SPDYE10: variants seen among roughly 807,000 people sequenced by gnomAD.
SPDYE10 encodes the protein speedy protein E10.
the SPDYE10 span, among the ~76,000 whole-genome samples, chr7:73,150,955 T>A: frequency 3.7e-5 from 1 of 26,680 alleles, no homozygotes; most frequent in Non-Finnish European, 7.6e-5. Flanking sequence ...TATATTTTTT[T>A]TTTTTTACCA....
At chr7:73,113,729 A>G in the SPDYE10 span, among the ~76,000 whole-genome samples, 1 of 152,014 alleles carries the variant, frequency 6.6e-6, no homozygotes, top group Non-Finnish European at 1.5e-5. Context: ...CCGCATCTCT[A>G]CTAAAAATAC....
the SPDYE10 span, among the ~76,000 whole-genome samples, chr7:73,123,875 C>G: frequency 6.6e-6 from 1 of 150,616 alleles, no homozygotes; most frequent in East Asian, 2.0e-4. Context: ...ACCTCTGCCT[C>G]AAGAGTCCCT....
the SPDYE10 span, among the ~76,000 whole-genome samples, chr7:73,115,390 A>T: frequency 6.6e-6 from 1 of 151,882 alleles, no homozygotes; most frequent in South Asian, 2.1e-4. Context: ...GGAGAGGGAG[A>T]CCAGTTCTCC....
At chr7:73,115,361 C>T in the SPDYE10 span, among the ~76,000 whole-genome samples, 1 of 152,056 alleles carries the variant, frequency 6.6e-6, no homozygotes, top group African/African-American at 2.4e-5. Context: ...CCTCACACTA[C>T]TGTGTTCTGT....
At chr7:73,115,352 C>T in the SPDYE10 span, among the ~76,000 whole-genome samples, 28 of 152,190 alleles carry the variant, frequency 1.8e-4, 2 homozygotes, top group African/African-American at 6.5e-4. Flanking sequence ...GTACAGAATC[C>T]TCACACTACT....
At chr7:73,145,124 T>TTTTCTTTCTTTCTTTCTCTTTTTC in the SPDYE10 span, among the ~76,000 whole-genome samples, 1 of 141,820 alleles carries the variant, frequency 7.1e-6, no homozygotes, top group African/African-American at 3.0e-5. Flanking sequence ...TCTTTCTTTC[T>TTTTCTTTCTTTCTTTCTCTTTTTC]TTTCTTTCTT....
chr7:73,134,496 T>G, the SPDYE10 span, among the ~76,000 whole-genome samples: 3 of 89,778 alleles, frequency 3.3e-5, no homozygotes, highest in African/African-American at 9.9e-5. Context: ...ATTGTGCACA[T>G]GTACCCTACA....
chr7:73,135,529 C>A, the SPDYE10 span, among the ~76,000 whole-genome samples: 8,308 of 119,274 alleles, frequency 0.07, 19 homozygotes, highest in African/African-American at 0.27. Flanking sequence ...TCTTTCTTTT[C>A]TTTTTTTTTT....
the SPDYE10 span, among the ~76,000 whole-genome samples, chr7:73,135,406 G>GCATTCATT: frequency 0.037 from 5,408 of 146,022 alleles, 135 homozygotes; most frequent in Middle Eastern, 0.053. Flanking sequence ...CTTTGTCCAC[G>GCATTCATT]CATTCATTCA....
chr7:73,147,892 C>T, the SPDYE10 span, among the ~76,000 whole-genome samples: 1 of 151,158 alleles, frequency 6.6e-6, no homozygotes, highest in Admixed American at 6.6e-5. Context: ...CTGCCACCTC[C>T]GCTTCCCCGG....
the SPDYE10 span, among the ~76,000 whole-genome samples, chr7:73,150,907 A>AAAAAAAATAT: frequency 2.6e-4 from 3 of 11,578 alleles, no homozygotes; most frequent in African/African-American, 3.5e-4. Flanking sequence ...AAAAAAAAAA[A>AAAAAAAATAT]ATATATATAT....
chr7:73,142,980 GAGGAAGGA>G, the SPDYE10 span, among the ~76,000 whole-genome samples: 4,292 of 93,258 alleles, frequency 0.046, 59 homozygotes, highest in African/African-American at 0.1. Context: ...GGGAGGGAGG[GAGGAAGGA>G]AGGAAGGAAG....
chr7:73,145,656 CTTG>C, the SPDYE10 span, among the ~76,000 whole-genome samples: 3 of 149,528 alleles, frequency 2.0e-5, no homozygotes, highest in East Asian at 5.9e-4. Context: ...ATCCATGAAC[CTTG>C]TGCTCACTTC....
chr7:73,123,037 C>G, the SPDYE10 span, among the ~76,000 whole-genome samples: 3 of 151,888 alleles, frequency 2.0e-5, no homozygotes, highest in African/African-American at 7.2e-5. Flanking sequence ...CAGCCCCTCC[C>G]CAGCTCTCAG....
At chr7:73,131,090 TCAGGAGGATGAGG>T in the SPDYE10 span, among the ~76,000 whole-genome samples, 1 of 105,260 alleles carries the variant, frequency 9.5e-6, no homozygotes, top group Non-Finnish European at 1.8e-5. Flanking sequence ...TCCTAGCTAC[TCAGGAGGATGAGG>T]CAGGAGGATC....
At chr7:73,115,057 T>C in the SPDYE10 span, among the ~76,000 whole-genome samples, 1 of 152,046 alleles carries the variant, frequency 6.6e-6, no homozygotes, top group Non-Finnish European at 1.5e-5. Context: ...CCACCACGTA[T>C]GACTAATTTC....
the SPDYE10 span, among the ~76,000 whole-genome samples, chr7:73,149,303 C>CG: frequency 1.1e-5 from 1 of 87,672 alleles, no homozygotes; most frequent in Non-Finnish European, 2.5e-5. Context: ...TTTGGGGGGG[C>CG]GGGGGACAGA....
At chr7:73,123,772 T>C in the SPDYE10 span, among the ~76,000 whole-genome samples, 1 of 150,264 alleles carries the variant, frequency 6.7e-6, no homozygotes, top group African/African-American at 2.5e-5. Context: ...CCTTTCTCTC[T>C]CTCTCTCTCT....
the SPDYE10 span, among the ~76,000 whole-genome samples, chr7:73,116,743 C>T: frequency 6.6e-6 from 1 of 150,974 alleles, no homozygotes; most frequent in African/African-American, 2.5e-5. Flanking sequence ...ACCACCATGC[C>T]TGGCTTCTAT....
Sources: allele counts gnomAD v4.1 joint callset (sites outside exome capture counted in the v4.1 genomes callset), GRCh38; gene constraint gnomAD v4.1.1; transcripts MANE v1.5; gene names NCBI Gene and HGNC (gene_info 2026-07-23, HGNC 2026-07-21).